The following KANSL1 variants were observed in gnomAD, a reference collection of about 807,000 sequenced individuals.
KANSL1 encodes the protein MLL1/MLL complex subunit KANSL1.
KANSL1 carries 22 observed loss-of-function variants against 103.6 expected under a neutral mutation model. The observed-to-expected ratio is 0.21, with a 90% CI of 0.15 to 0.30. KANSL1 has a LOEUF of 0.30. Among genes scored for constraint, KANSL1 ranks in the 10% least tolerant of loss-of-function variants. The pLI is 1.00. For synonymous variants in KANSL1, 600 were observed against 527.6 expected (o/e 1.14, Z -1.88); for missense variants, 1,337 against 1,399.8 (o/e 0.96, Z 0.72).
intron 2 of KANSL1, among the ~76,000 whole-genome samples, chr17:46,109,402 A>G (rs2042707932): frequency 6.6e-6 from 1 of 152,252 alleles, no homozygotes; most frequent in Admixed American, 6.5e-5. Context: ...AGAATCGTGA[A>G]TTATATGATA....
chr17:46,145,877 G>A (rs1918797), intron 2 of KANSL1, among the ~76,000 whole-genome samples: 21,949 of 152,022 alleles, frequency 0.14, 2,137 homozygotes, highest in Non-Finnish European at 0.22. Context: ...TACAGGCGTC[G>A]ACCATGACAC....
chr17:46,034,252 A>G lies in KANSL1; in HGVS notation c.2575T>C (p.Ser859Pro). Reference sequence around the variant, plus strand: ...ATGACAATGTTGTTAATATCAAATGAGCTCTCTCCCCTTCTCCTCCTTACT... The same window carrying G: ...ATGACAATGTTGTTAATATCAAATGGGCTCTCTCCCCTTCTCCTCCTTACT... ...QPVRRRRGESSFDINNIVIPM... is the reference protein window; with the variant it reads ...QPVRRRRGESPFDINNIVIPM... Residue 859 changes from serine (S) to proline (P), a missense_variant, in exon 11 of 15, where the codon TCA becomes CCA. Ser to Pro is a moderately conservative substitution (Grantham distance 74). Transcript: ENST00000432791. 6.2e-7 allele frequency: 1 copy of G among 1,613,998 alleles called. No homozygotes were observed. Among genetic ancestry groups the G allele is most frequent in the Non-Finnish European group, 8.5e-7 (1 of 1,179,952 alleles).
At chr17:46,178,857 T>G (rs1362097666) in intron 1 of KANSL1, among the ~76,000 whole-genome samples, 3 of 152,226 alleles carry the variant, frequency 2.0e-5, no homozygotes, top group Admixed American at 2.0e-4. Context: ...AAATACAAGT[T>G]GGGATAAAGT....
chr17:46,204,631 AAACC>A (rs2047905434), intron 1 of KANSL1, among the ~76,000 whole-genome samples: 1 of 152,248 alleles, frequency 6.6e-6, no homozygotes, highest in Non-Finnish European at 1.5e-5. Context: ...TCTGATGCCA[AAACC>A]AGACATAGAT....
chr17:46,153,219 G>C (rs376066283), intron 2 of KANSL1, among the ~76,000 whole-genome samples: 6 of 152,136 alleles, frequency 3.9e-5, no homozygotes, highest in African/African-American at 1.4e-4. Context: ...GCTCATCAAC[G>C]CATTTTAGTT....
chr17:46,048,913 C>CA (rs1243663257), intron 7 of KANSL1, among the ~76,000 whole-genome samples: 2 of 152,000 alleles, frequency 1.3e-5, no homozygotes, highest in African/African-American at 4.8e-5. Context: ...TTTAGCTAAT[C>CA]AGACTTTAGA....
chr17:46,046,840 T>TTAAA (rs2077528220), intron 7 of KANSL1, among the ~76,000 whole-genome samples: 2 of 118,690 alleles, frequency 1.7e-5, no homozygotes, highest in South Asian at 2.7e-4. Context: ...GTCTCAAAAG[T>TTAAA]AAAAAAAAAA....
intron 1 of KANSL1, among the ~76,000 whole-genome samples, chr17:46,175,339 TGTGTGTG>T (rs2046471131): frequency 6.6e-6 from 1 of 151,478 alleles, no homozygotes; most frequent in Non-Finnish European, 1.5e-5. Context: ...TGTGTGTGTG[TGTGTGTG>T]TGTGTGTGTG....
chr17:46,170,851 T>C lies in KANSL1; in HGVS notation c.1289+4A>G. ...GAATGCTATCATGCATGAGGTCTAC[T>C]CACAGGGGTACATGACGCTGCTCGG... On this transcript the variant is annotated splice_donor_region_variant and intron_variant, in intron 2 of 14. Coordinates refer to ENST00000432791, the MANE Select transcript of KANSL1 (RefSeq NM_015443.4). The C allele has an allele frequency of 6.3e-7, 1 of 1,594,566 alleles. No homozygotes were observed. The highest frequency in any genetic ancestry group is 8.5e-7 in the Non-Finnish European group (1 of 1,170,700).
At chr17:46,131,369 A>G (rs1355966492) in intron 2 of KANSL1, among the ~76,000 whole-genome samples, 3 of 152,234 alleles carry the variant, frequency 2.0e-5, no homozygotes, top group Non-Finnish European at 4.4e-5. Flanking sequence ...TTCATTTCAA[A>G]TTTACATTAA....
intron 7 of KANSL1, chr17:46,040,956 G>A (rs574455704): frequency 1.3e-5 from 2 of 152,192 alleles, no homozygotes; most frequent in South Asian, 4.1e-4. Context: ...GAAGAAGACA[G>A]GAAGATGAGG....
At chr17:46,164,817 CTCACTTTAATTAGAAAAAT>C (rs1466663961) in intron 2 of KANSL1, among the ~76,000 whole-genome samples, 1 of 152,230 alleles carries the variant, frequency 6.6e-6, no homozygotes, top group East Asian at 1.9e-4. Flanking sequence ...GGTCAGCTCC[CTCACTTTAATTAGAAAAAT>C]GGTTACATTA....
At chr17:46,048,631 T>A (rs1045647775) in intron 7 of KANSL1, among the ~76,000 whole-genome samples, 1 of 152,128 alleles carries the variant, frequency 6.6e-6, no homozygotes, top group Non-Finnish European at 1.5e-5. Context: ...CTACCTTCTG[T>A]AGGCTGGGCA....
intron 2 of KANSL1, chr17:46,170,172 C>CA (rs147245798): frequency 0.12 from 17,043 of 147,896 alleles, no homozygotes; most frequent in Non-Finnish European, 0.17. Context: ...CAAAAAACAA[C>CA]AAAAAAAACA....
intron 1 of KANSL1, among the ~76,000 whole-genome samples, chr17:46,207,520 AAAAAG>A (rs2048011300): frequency 8.9e-6 from 1 of 112,184 alleles, no homozygotes; most frequent in African/African-American, 2.6e-5. Context: ...AAAAAAAAAA[AAAAAG>A]AAAAGAAAAC....
chr17:46,200,531 C>T (rs1308614284), intron 1 of KANSL1, among the ~76,000 whole-genome samples: 2 of 152,084 alleles, frequency 1.3e-5, no homozygotes, highest in Non-Finnish European at 2.9e-5. Flanking sequence ...TCACGAGATC[C>T]GGAGATCGAG....
chr17:46,096,311 C>CTTTCTTTCTTTCTTTTTTTTTTTTTTTTT (rs753073992), intron 2 of KANSL1, among the ~76,000 whole-genome samples: 41 of 76,396 alleles, frequency 5.4e-4, no homozygotes, highest in Non-Finnish European at 7.6e-4. Context: ...GCTTTTTTTT[C>CTTTCTTTCTTTCTTTTTTTTTTTTTTTTT]TTTTTTTTTT....
chr17:46,128,474 T>C (rs2043684280), intron 2 of KANSL1, among the ~76,000 whole-genome samples: 1 of 152,200 alleles, frequency 6.6e-6, no homozygotes, highest in Non-Finnish European at 1.5e-5. Context: ...TGCATATATA[T>C]GTGCATAAGA....
rs1250950085 is a variant in KANSL1, at chr17:46,170,884, T to C, written c.1260A>G (p.Arg420=). 1 of 1,612,818 alleles carries C rather than the reference T, an allele frequency of 6.2e-7. No individual in the cohort carries two copies. The highest frequency in any genetic ancestry group is 8.5e-7 in the Non-Finnish European group (1 of 1,179,300). ...ESDIEEEELT[R]ADPEQRHVPL... is the part of the protein sequence containing the mutation. ...GTACATGACGCTGCTCGGGATCAGC[T>C]CTGGTCAGTTCTTCCTCTTCAATAT... Residue 420 remains arginine (R), a synonymous_variant, in exon 2 of 15, where the codon AGA becomes AGG. Transcript: ENST00000432791.
Sources: allele counts gnomAD v4.1 joint callset (sites outside exome capture counted in the v4.1 genomes callset), GRCh38; gene constraint gnomAD v4.1.1; transcripts MANE v1.5; gene names NCBI Gene and HGNC (gene_info 2026-07-23, HGNC 2026-07-21).